The following GALNTL5 variants were observed in gnomAD, a reference collection of about 807,000 sequenced individuals.
The protein encoded by GALNTL5 is polypeptide N-acetylgalactosaminyltransferase like 5.
GALNTL5 carries 44 observed loss-of-function variants against 51.0 expected under a neutral mutation model. The observed-to-expected ratio is 0.86, with a 90% CI of 0.68 to 1.11. The LOEUF (loss-of-function observed/expected upper bound fraction) is 1.11. GALNTL5 is among the 50% of genes least tolerant of loss of function. The probability of loss-of-function intolerance (pLI) is 0.00; values close to 1 mark genes in which losing one functional copy is unlikely to be tolerated. For missense variants in GALNTL5, 528 were observed against 531.8 expected (o/e 0.99, Z 0.07); for synonymous variants, 192 against 182.8 (o/e 1.05, Z -0.41).
intron 1 of GALNTL5, among the ~76,000 whole-genome samples, chr7:151,956,916 A>T (rs1196566975): frequency 6.6e-6 from 1 of 152,072 alleles, no homozygotes; most frequent in Admixed American, 6.6e-5. Flanking sequence ...TTATTTGAAA[A>T]AAATAGGGAA....
intron 5 of GALNTL5, among the ~76,000 whole-genome samples, chr7:151,998,412 G>A (rs1313075073): frequency 6.6e-6 from 1 of 152,004 alleles, no homozygotes; most frequent in East Asian, 1.9e-4. Flanking sequence ...AGTAGGCTGG[G>A]GAAATGTAAC....
At chr7:151,993,228 T>C (rs1277077644) in intron 5 of GALNTL5, among the ~76,000 whole-genome samples, 1 of 147,930 alleles carries the variant, frequency 6.8e-6, no homozygotes, top group East Asian at 2.0e-4. Flanking sequence ...AGTGAGACCA[T>C]GTCTCAAAAA....
intron 3 of GALNTL5, among the ~76,000 whole-genome samples, chr7:151,979,702 C>A (rs1255738311): frequency 6.6e-6 from 1 of 152,146 alleles, no homozygotes; most frequent in Admixed American, 6.5e-5. Flanking sequence ...GGTGATCCGC[C>A]CACCTTGGCC....
chr7:152,011,805 C>T lies in GALNTL5; in HGVS notation c.1027-2839C>T, dbSNP rs1232710325. Reference sequence around the variant, plus strand: ...CAGTGGGTTACCCTTGGCCCATCTGCTCAGAATTTCTATTCCTAAGAGTTT... The same window carrying T: ...CAGTGGGTTACCCTTGGCCCATCTGTTCAGAATTTCTATTCCTAAGAGTTT... On this transcript the variant is annotated intron_variant, in intron 7 of 8. Coordinates refer to ENST00000392800, the MANE Select transcript of GALNTL5 (RefSeq NM_145292.4). 2.0e-5 allele frequency among the ~76,000 whole-genome samples: 3 copies of T among 152,206 alleles called. No homozygotes were observed. In the East Asian group the frequency reaches 5.8e-4, roughly 29 times the overall value.
intron 1 of GALNTL5, chr7:151,957,775 T>C (rs932625412): frequency 2.0e-5 from 3 of 152,176 alleles, no homozygotes; most frequent in Admixed American, 6.5e-5. Context: ...AATTCTGTGC[T>C]TTTCTAGCAT....
intron 1 of GALNTL5, among the ~76,000 whole-genome samples, chr7:151,958,810 CAGCAAGGCAGAGA>C (rs1185655586): frequency 6.6e-6 from 1 of 152,208 alleles, no homozygotes; most frequent in Non-Finnish European, 1.5e-5. Context: ...ACTGGAGAGT[CAGCAAGGCAGAGA>C]AGGGTTTTAT....
intron 1 of GALNTL5, among the ~76,000 whole-genome samples, chr7:151,966,884 A>C (rs144751086): frequency 6.6e-6 from 1 of 152,188 alleles, no homozygotes; most frequent in Non-Finnish European, 1.5e-5. Context: ...GATCCATACT[A>C]TCACTCCAAG....
At chr7:151,987,418 G>A (rs2081372056) in intron 5 of GALNTL5, 137 bp downstream of exon 5, 7 of 729,908 alleles carry the variant, frequency 9.6e-6, no homozygotes, top group Non-Finnish European at 1.5e-5. Context: ...CCAGCCATAT[G>A]AGCCTTTAAT....
At chr7:151,997,292 A>C (rs1189833279) in intron 5 of GALNTL5, among the ~76,000 whole-genome samples, 1 of 152,358 alleles carries the variant, frequency 6.6e-6, no homozygotes, top group Admixed American at 6.5e-5. Flanking sequence ...CATCTAGCAC[A>C]TGAATGATAG....
chr7:151,967,316 T>C lies in GALNTL5; in HGVS notation c.70T>C (p.Phe24Leu). Residue 24 changes from phenylalanine (F) to leucine (L), a missense_variant, in exon 2 of 9, where the codon TTC becomes CTC. Phe to Leu is a conservative substitution (Grantham distance 22). Coordinates refer to ENST00000392800, the MANE Select transcript of GALNTL5 (RefSeq NM_145292.4). Reference sequence around the variant, plus strand: ...ATTTGGGATCTGGACAGCTCTGTTATTCATATATTTGCACCATAATCATGT... The same window carrying C: ...ATTTGGGATCTGGACAGCTCTGTTACTCATATATTTGCACCATAATCATGT... The part of the protein sequence containing the change: ...LTFGIWTALL[F>L]IYLHHNHVSS... The C allele has an allele frequency of 6.2e-7, 1 of 1,614,138 alleles. No individual in the cohort carries two copies. The highest frequency in any genetic ancestry group is 1.1e-5 in the South Asian group (1 of 91,086).
At chr7:151,966,046 C>T (rs1235509807) in intron 1 of GALNTL5, among the ~76,000 whole-genome samples, 1 of 152,040 alleles carries the variant, frequency 6.6e-6, no homozygotes, top group East Asian at 1.9e-4. Flanking sequence ...GCATTTGCTA[C>T]ATATTGGTGT....
chr7:151,974,117 T>TTTTTTTGTGACTGG (rs1362836180), intron 3 of GALNTL5, among the ~76,000 whole-genome samples: 1 of 129,882 alleles, frequency 7.7e-6, no homozygotes, highest in South Asian at 2.6e-4. Flanking sequence ...TTACCCAGTC[T>TTTTTTTGTGACTGG]CAGGTGGTAT....
chr7:151,990,579 T>TGAAAAAAAAAAAAAA (rs1214027982), intron 5 of GALNTL5, among the ~76,000 whole-genome samples: 1 of 278 alleles, frequency 3.6e-3, no homozygotes, highest in Non-Finnish European at 0.042. Flanking sequence ...AGACTCCATC[T>TGAAAAAAAAAAAAAA]CAAAAAAAAA....
chr7:151,969,239 C>G (rs897275891), intron 2 of GALNTL5, among the ~76,000 whole-genome samples: 2 of 152,098 alleles, frequency 1.3e-5, no homozygotes, highest in African/African-American at 4.8e-5. Flanking sequence ...TCTGAGAAAC[C>G]TTTGCTTACA....
At chr7:151,964,706 G>C (rs931589304) in intron 1 of GALNTL5, among the ~76,000 whole-genome samples, 1 of 152,316 alleles carries the variant, frequency 6.6e-6, no homozygotes, top group East Asian at 1.9e-4. Flanking sequence ...ATCCCAAAGT[G>C]AGATGCCAAC....
At chr7:151,959,860 G>C (rs774487045) in intron 1 of GALNTL5, among the ~76,000 whole-genome samples, 3 of 152,182 alleles carry the variant, frequency 2.0e-5, no homozygotes, top group Non-Finnish European at 4.4e-5. Context: ...TTGGGGAGCA[G>C]TGGGCCATTT....
At chr7:151,959,538 C>T (rs1338726236) in intron 1 of GALNTL5, among the ~76,000 whole-genome samples, 3 of 152,110 alleles carry the variant, frequency 2.0e-5, no homozygotes, top group African/African-American at 7.2e-5. Context: ...GTGTTAAAGC[C>T]TGTGTCCTGG....
At chr7:152,001,221 T>C (rs1412020763) in intron 5 of GALNTL5, among the ~76,000 whole-genome samples, 1 of 152,002 alleles carries the variant, frequency 6.6e-6, no homozygotes, top group Non-Finnish European at 1.5e-5. Context: ...CATTTTTTTT[T>C]TTTCATTTTC....
chr7:151,984,746 G>A (rs1465538463), intron 4 of GALNTL5, among the ~76,000 whole-genome samples: 2 of 151,968 alleles, frequency 1.3e-5, no homozygotes, highest in African/African-American at 2.4e-5. Flanking sequence ...TGACTTGCTG[G>A]GCAAGAAGTC....
Sources: gnomAD v4.1 joint callset for allele counts (sites outside exome capture counted in the v4.1 genomes callset) on GRCh38, gnomAD v4.1.1 for gene constraint, MANE v1.5 for transcripts, NCBI Gene and HGNC (gene_info 2026-07-23, HGNC 2026-07-21) for gene names.